Variants in LYPLAL1 observed in about 807,000 individuals in gnomAD.
LYPLAL1 encodes the protein lysophospholipase-like protein 1.
Under a neutral mutation model 19.7 loss-of-function variants are expected in LYPLAL1, and 23 were observed. The observed-to-expected ratio is 1.17, with a 90% confidence interval of 0.84 to 1.65. The LOEUF is 1.65. LYPLAL1 is among the 40% of genes most tolerant of loss of function. LYPLAL1 has a pLI of 0.00. For synonymous variants in LYPLAL1, 119 were observed against 96.3 expected (o/e 1.24, Z -1.38); for missense variants, 355 against 279.4 (o/e 1.27, Z -1.93).
At chr1:219,298,571 C>A in the LYPLAL1 span, among the ~76,000 whole-genome samples, 3 of 152,162 alleles carry the variant, frequency 2.0e-5, no homozygotes, top group South Asian at 6.2e-4. Context: ...TCCCACCACC[C>A]AAGATGTCTC....
At chr1:219,239,998 A>G in the LYPLAL1 span, among the ~76,000 whole-genome samples, 22 of 152,242 alleles carry the variant, frequency 1.4e-4, no homozygotes, top group Admixed American at 3.9e-4. Flanking sequence ...TTGTCAAACA[A>G]TGAATCCAAT....
chr1:219,288,589 A>G, the LYPLAL1 span, among the ~76,000 whole-genome samples: 147 of 152,320 alleles, frequency 9.7e-4, no homozygotes, highest in Non-Finnish European at 1.5e-3. Context: ...ACATATTATT[A>G]TACATTTACC....
chr1:219,193,833 G>A (rs1323995791), intron 3 of LYPLAL1, among the ~76,000 whole-genome samples: 1 of 151,778 alleles, frequency 6.6e-6, no homozygotes, highest in East Asian at 1.9e-4. Context: ...ATGCAAAAGT[G>A]AGATGGGGCA....
chr1:219,359,113 A>AG, the LYPLAL1 span, among the ~76,000 whole-genome samples: 1 of 152,206 alleles, frequency 6.6e-6, no homozygotes, highest in African/African-American at 2.4e-5. Flanking sequence ...CATACTTAAG[A>AG]GTATGAAAAA....
chr1:219,293,405 G>C, the LYPLAL1 span, among the ~76,000 whole-genome samples: 7 of 152,076 alleles, frequency 4.6e-5, no homozygotes, highest in Non-Finnish European at 1.0e-4. Flanking sequence ...TATAATTTTA[G>C]TTTTTGTATC....
At chr1:219,335,506 A>G in the LYPLAL1 span, among the ~76,000 whole-genome samples, 1 of 151,940 alleles carries the variant, frequency 6.6e-6, no homozygotes, top group African/African-American at 2.4e-5. Context: ...AAGAAACATA[A>G]AGTGCGATAT....
the LYPLAL1 span, among the ~76,000 whole-genome samples, chr1:219,312,485 A>C: frequency 6.6e-6 from 1 of 152,102 alleles, no homozygotes; most frequent in Non-Finnish European, 1.5e-5. Flanking sequence ...CAGCTGCATG[A>C]GGATACAGGC....
At chr1:219,400,822 C>T in the LYPLAL1 span, among the ~76,000 whole-genome samples, 1 of 152,288 alleles carries the variant, frequency 6.6e-6, no homozygotes, top group Non-Finnish European at 1.5e-5. Context: ...ATCTATCTAT[C>T]TGTCTGCCTA....
chr1:219,303,907 G>T, the LYPLAL1 span, among the ~76,000 whole-genome samples: 1 of 152,102 alleles, frequency 6.6e-6, no homozygotes, highest in African/African-American at 2.4e-5. Context: ...CCAACCTAGG[G>T]ATATGATTTA....
the LYPLAL1 span, among the ~76,000 whole-genome samples, chr1:219,372,146 A>G: frequency 9.1e-4 from 139 of 152,294 alleles, 1 homozygote; most frequent in African/African-American, 3.1e-3. Flanking sequence ...AAAATCTGAA[A>G]ACACAATTAC....
At chr1:219,339,910 G>C in the LYPLAL1 span, among the ~76,000 whole-genome samples, 1 of 151,926 alleles carries the variant, frequency 6.6e-6, no homozygotes. Flanking sequence ...ACCACATATT[G>C]GCAAGAACTT....
At chr1:219,340,131 A>G in the LYPLAL1 span, among the ~76,000 whole-genome samples, 2 of 152,130 alleles carry the variant, frequency 1.3e-5, no homozygotes, top group Non-Finnish European at 2.9e-5. Flanking sequence ...GACATAATTT[A>G]TTGAACAAAA....
chr1:219,195,910 T>G (rs1445841129), intron 3 of LYPLAL1, among the ~76,000 whole-genome samples: 1 of 152,080 alleles, frequency 6.6e-6, no homozygotes, highest in African/African-American at 2.4e-5. Context: ...TTCTCATGGT[T>G]CAGCTTCCAA....
chr1:219,235,433 A>G, the LYPLAL1 span, among the ~76,000 whole-genome samples: 1 of 152,180 alleles, frequency 6.6e-6, no homozygotes, highest in Non-Finnish European at 1.5e-5. Flanking sequence ...TACAGGACAT[A>G]ATTTAATTAC....
At chr1:219,205,715 G>T (rs1658521886) in intron 3 of LYPLAL1, among the ~76,000 whole-genome samples, 1 of 152,148 alleles carries the variant, frequency 6.6e-6, no homozygotes, top group South Asian at 2.1e-4. Flanking sequence ...TTTCCAGCCT[G>T]CCTTTTTCTG....
chr1:219,425,295 G>A, the LYPLAL1 span, among the ~76,000 whole-genome samples: 2 of 152,102 alleles, frequency 1.3e-5, no homozygotes. Flanking sequence ...GAATTTGGGG[G>A]AGACATAAAC....
chr1:219,224,523 AG>A, the LYPLAL1 span, among the ~76,000 whole-genome samples: 1 of 152,202 alleles, frequency 6.6e-6, no homozygotes, highest in African/African-American at 2.4e-5. Context: ...AGAGATCCAA[AG>A]AACAGCGGTG....
At chr1:219,210,486 A>G (rs757973529) in intron 3 of LYPLAL1, 46 bp from the exon 4 acceptor site, 8 of 1,180,802 alleles carry the variant, frequency 6.8e-6, no homozygotes, top group Non-Finnish European at 9.6e-6. Flanking sequence ...CATATCCTAA[A>G]TTATTATTTT....
chr1:219,188,681 CT>C (rs35665269), intron 2 of LYPLAL1, among the ~76,000 whole-genome samples: 59 of 145,110 alleles, frequency 4.1e-4, no homozygotes, highest in Admixed American at 5.5e-4. Context: ...TGAATGTCAA[CT>C]TTTTTTTTTT....
Sources: allele counts gnomAD v4.1 joint callset (sites outside exome capture counted in the v4.1 genomes callset), GRCh38; gene constraint gnomAD v4.1.1; transcripts MANE v1.5; gene names NCBI Gene and HGNC (gene_info 2026-07-23, HGNC 2026-07-21).